DDX10: variants seen among roughly 807,000 people sequenced by gnomAD.
The protein encoded by DDX10 is DEAD-box helicase 10.
DDX10 carries 74 observed loss-of-function variants against 104.3 expected under a neutral mutation model. The observed-to-expected ratio is 0.71, with a 90% CI of 0.59 to 0.86. The LOEUF (loss-of-function observed/expected upper bound fraction) is 0.86, where lower values mean the gene tolerates loss of function less well. Among genes scored for constraint, DDX10 ranks in the 40% least tolerant of loss-of-function variants. The probability of loss-of-function intolerance (pLI) is 0.00; values close to 1 mark genes in which losing one functional copy is unlikely to be tolerated. For synonymous variants in DDX10, 351 were observed against 353.4 expected (o/e 0.99, Z 0.08); for missense variants, 952 against 1,040.0 (o/e 0.92, Z 1.16).
At chr11:108,838,812 A>G (rs1273314229) in intron 14 of DDX10, among the ~76,000 whole-genome samples, 1 of 152,208 alleles carries the variant, frequency 6.6e-6, no homozygotes, top group Non-Finnish European at 1.5e-5. Flanking sequence ...TTTCTAGATT[A>G]TGTTTTTATA....
chr11:108,782,451 G>C (rs1861719114), intron 13 of DDX10, among the ~76,000 whole-genome samples: 3 of 152,112 alleles, frequency 2.0e-5, no homozygotes, highest in African/African-American at 7.2e-5. Context: ...ATTTCTCCGA[G>C]ATCCCTTTCT....
At chr11:108,784,139 T>C (rs1051207673) in intron 13 of DDX10, among the ~76,000 whole-genome samples, 2 of 152,208 alleles carry the variant, frequency 1.3e-5, no homozygotes, top group Non-Finnish European at 2.9e-5. Flanking sequence ...TTTTTGATAC[T>C]GTAAATTATT....
intron 16 of DDX10, among the ~76,000 whole-genome samples, chr11:108,905,877 G>C (rs563392968): frequency 3.9e-5 from 6 of 152,288 alleles, no homozygotes; most frequent in African/African-American, 1.2e-4. Context: ...GCAGAAGTAA[G>C]AGAAGTGGGG....
intron 13 of DDX10, among the ~76,000 whole-genome samples, chr11:108,809,836 G>T (rs528685690): frequency 5.3e-5 from 8 of 152,242 alleles, no homozygotes; most frequent in African/African-American, 1.9e-4. Flanking sequence ...GCATCTGTGT[G>T]TTCTACCCTT....
chr11:108,937,282 C>A (rs966756308), intron 17 of DDX10, among the ~76,000 whole-genome samples: 1 of 152,046 alleles, frequency 6.6e-6, no homozygotes, highest in Non-Finnish European at 1.5e-5. Flanking sequence ...TTTTGTTTCT[C>A]GTGAAATTAA....
At chr11:108,864,352 G>A (rs1001503926) in intron 16 of DDX10, among the ~76,000 whole-genome samples, 6 of 151,836 alleles carry the variant, frequency 4.0e-5, no homozygotes, top group Non-Finnish European at 7.4e-5. Context: ...CAGTATATAT[G>A]TATAATTATG....
intron 13 of DDX10, among the ~76,000 whole-genome samples, chr11:108,734,626 T>G (rs1278481724): frequency 6.6e-6 from 1 of 152,200 alleles, no homozygotes; most frequent in Non-Finnish European, 1.5e-5. Flanking sequence ...ATCTCCTTCT[T>G]TTATACAATA....
chr11:108,932,220 GC>G (rs2134676188), intron 17 of DDX10, among the ~76,000 whole-genome samples: 1 of 152,018 alleles, frequency 6.6e-6, no homozygotes, highest in African/African-American at 2.4e-5. Flanking sequence ...GTGAAATTTG[GC>G]CAACAGGTAT....
intron 13 of DDX10, among the ~76,000 whole-genome samples, chr11:108,809,859 C>A (rs1031734032): frequency 2.6e-5 from 4 of 152,152 alleles, no homozygotes; most frequent in Admixed American, 2.0e-4. Context: ...GGCTTAGTCT[C>A]ATCTTTGGTA....
chr11:108,755,729 T>C (rs773081659), intron 13 of DDX10, among the ~76,000 whole-genome samples: 11 of 151,970 alleles, frequency 7.2e-5, no homozygotes, highest in Non-Finnish European at 1.5e-4. Context: ...GGCTCTGGAG[T>C]AAAACTTAGA....
At chr11:108,695,760 G>GTTTTTTT (rs34985675) in intron 9 of DDX10, among the ~76,000 whole-genome samples, 1 of 139,126 alleles carries the variant, frequency 7.2e-6, no homozygotes, top group Non-Finnish European at 1.6e-5. Flanking sequence ...GTGTTTAAGT[G>GTTTTTTT]TTTTTTTTTT....
At chr11:108,679,251 T>G in intron 5 of DDX10, 120 bp from the exon 6 acceptor site, 1 of 820,502 alleles carries the variant, frequency 1.2e-6, no homozygotes, top group Non-Finnish European at 1.9e-6. Flanking sequence ...TTATTCAGGT[T>G]TTACCAGTTT....
chr11:108,855,222 G>T (rs1490195054), intron 16 of DDX10, among the ~76,000 whole-genome samples: 1 of 152,120 alleles, frequency 6.6e-6, no homozygotes, highest in Non-Finnish European at 1.5e-5. Flanking sequence ...ATGATCAATA[G>T]ACCACATTGC....
At chr11:108,839,894 TG>T (rs1862613067) in intron 14 of DDX10, among the ~76,000 whole-genome samples, 2 of 152,236 alleles carry the variant, frequency 1.3e-5, no homozygotes, top group South Asian at 4.1e-4. Flanking sequence ...TTCCTTAGTA[TG>T]CTACTAAGTT....
intron 16 of DDX10, among the ~76,000 whole-genome samples, chr11:108,871,260 C>T (rs1207292889): frequency 6.6e-6 from 1 of 152,124 alleles, no homozygotes; most frequent in Non-Finnish European, 1.5e-5. Flanking sequence ...AAAGGGGTTG[C>T]AGTGACTAAT....
intron 16 of DDX10, among the ~76,000 whole-genome samples, chr11:108,877,447 T>G (rs974183095): frequency 1.3e-5 from 2 of 152,096 alleles, no homozygotes; most frequent in Non-Finnish European, 2.9e-5. Context: ...ATTCCAGAAG[T>G]GTTATATCCA....
intron 9 of DDX10, among the ~76,000 whole-genome samples, chr11:108,701,482 A>C (rs941945700): frequency 4.9e-4 from 74 of 152,154 alleles, no homozygotes; most frequent in African/African-American, 1.7e-3. Flanking sequence ...CTAGCATATC[A>C]GTAGTCAGAG....
chr11:108,717,832 A>G (rs1324360749), intron 11 of DDX10, among the ~76,000 whole-genome samples: 1 of 152,176 alleles, frequency 6.6e-6, no homozygotes, highest in Non-Finnish European at 1.5e-5. Context: ...ATTTGACTGT[A>G]CAAATGGGTA....
At chr11:108,905,704 C>T (rs1863587376) in intron 16 of DDX10, among the ~76,000 whole-genome samples, 2 of 152,062 alleles carry the variant, frequency 1.3e-5, no homozygotes, top group South Asian at 2.1e-4. Flanking sequence ...TAGCAAGGTG[C>T]ATTTGAGATT....
Sources: gnomAD v4.1 joint callset for allele counts (sites outside exome capture counted in the v4.1 genomes callset) on GRCh38, gnomAD v4.1.1 for gene constraint, MANE v1.5 for transcripts, NCBI Gene and HGNC (gene_info 2026-07-23, HGNC 2026-07-21) for gene names.